Variants in ANGPTL1 observed in about 807,000 individuals in gnomAD.
The protein encoded by ANGPTL1 is angiopoietin-related protein 1.
ANGPTL1 carries 36 observed loss-of-function variants against 46.7 expected under a neutral mutation model. The observed-to-expected ratio is 0.77, with a 90% confidence interval of 0.59 to 1.02. The LOEUF (loss-of-function observed/expected upper bound fraction) is 1.02, where lower values mean the gene tolerates loss of function less well. ANGPTL1 is among the 50% of genes least tolerant of loss of function. The probability of loss-of-function intolerance (pLI) is 0.00; values close to 1 mark genes in which losing one functional copy is unlikely to be tolerated. For synonymous variants in ANGPTL1, 221 were observed against 204.3 expected, an observed-to-expected ratio of 1.08 and a Z score of -0.69; for missense variants, 571 against 594.7, an observed-to-expected ratio of 0.96 and a Z score of 0.41.
chr1:178,856,991 T>G (rs72707218), intron 3 of ANGPTL1, among the ~76,000 whole-genome samples: 1 of 152,190 alleles, frequency 6.6e-6, no homozygotes, highest in Non-Finnish European at 1.5e-5. Context: ...TTGCTACCAC[T>G]ATTCTCCTTT....
Position 178,853,719 on chromosome 1 carries a change from G to T in ANGPTL1, c.892C>A (p.Pro298Thr). The change falls in exon 4 of 6, where the codon CCT (proline) becomes ACT (threonine). Residue 298 changes from proline to threonine, a missense_variant. Transcript: ENST00000234816. ...HSVSGIYMIK[P>T]ENSNGPMQLW... Reference sequence around the variant, plus strand: ...TGCATTGGTCCATTGCTGTTTTCAGGTTTAATCATATAAATCCCACTGACC... The same window carrying T: ...TGCATTGGTCCATTGCTGTTTTCAGTTTTAATCATATAAATCCCACTGACC... 8 of 1,611,136 alleles carry T rather than the reference G, an allele frequency of 5.0e-6. No individual in the cohort carries two copies. Among genetic ancestry groups the T allele is most frequent in the Non-Finnish European group, 6.8e-6 (8 of 1,178,624 alleles).
intron 3 of ANGPTL1, among the ~76,000 whole-genome samples, chr1:178,858,088 T>C (rs73039845): frequency 0.052 from 7,974 of 152,242 alleles, 731 homozygotes; most frequent in African/African-American, 0.18. Context: ...TGAAGTTCTT[T>C]TCCAGAACAT....
intron 3 of ANGPTL1, among the ~76,000 whole-genome samples, chr1:178,854,840 A>G (rs1271401074): frequency 6.6e-6 from 1 of 152,148 alleles, no homozygotes; most frequent in Non-Finnish European, 1.5e-5. Flanking sequence ...ACAAGTGACA[A>G]CACATTTTGT....
At position 178,850,011 on chromosome 1, in the gene ANGPTL1, A is replaced by G. The variant is rs1393886823; in HGVS notation, c.*1118T>C. The G allele has an allele frequency of 1.3e-5, 2 of 152,700 alleles. No individual in the cohort carries two copies. The highest frequency in any genetic ancestry group is 6.5e-5 in the Admixed American group (1 of 15,292). 9.5% of individuals were successfully genotyped at this position (152,700 alleles called of 1,614,324 possible). A position where few individuals can be genotyped will look rare whatever the true frequency, so the allele number is the denominator to read the frequency against. On this transcript the variant is annotated 3_prime_UTR_variant, in exon 6 of 6. Transcript: ENST00000234816. ...CAGAAAGTCACTAGTAAAGTTGTTG[A>G]TTGCAAAGATGAGTTAAAGACACTG...
Position 178,852,858 on chromosome 1 carries a change from T to C in ANGPTL1, c.1113A>G (p.Leu371=). The part of the protein sequence containing the change: ...NQDNYKLLIE[L]EDWSDKKVYA... ...AGACTTTTTTATCACTCCAGTCTTC[T>C]AATTCAATCAATAACTTGTAATTAT... Residue 371 remains leucine, a synonymous_variant, in exon 5 of 6, where the codon TTA becomes TTG. Transcript: ENST00000234816. 1 of 1,613,976 alleles carries C rather than the reference T, an allele frequency of 6.2e-7. No individual in the cohort carries two copies. The highest frequency in any genetic ancestry group is 8.5e-7 in the Non-Finnish European group (1 of 1,179,864).
intron 3 of ANGPTL1, among the ~76,000 whole-genome samples, chr1:178,854,098 A>T (rs1657369945): frequency 6.6e-6 from 1 of 152,152 alleles, no homozygotes; most frequent in Non-Finnish European, 1.5e-5. Context: ...TTCTAGCTGC[A>T]TAATAATCCT....
At chr1:178,856,655 A>G (rs960027728) in intron 3 of ANGPTL1, among the ~76,000 whole-genome samples, 3 of 151,778 alleles carry the variant, frequency 2.0e-5, no homozygotes, top group Non-Finnish European at 4.4e-5. Context: ...TATACCCAAC[A>G]AAGTAGTCAT....
chr1:178,852,590 T>C (rs539906053), intron 5 of ANGPTL1, 93 bp downstream of exon 5: 2 of 1,385,888 alleles, frequency 1.4e-6, no homozygotes, highest in African/African-American at 2.9e-5. Flanking sequence ...ACTGACCTTT[T>C]TGAAAAGACT....
intron 3 of ANGPTL1, among the ~76,000 whole-genome samples, chr1:178,862,803 T>C (rs1467871574): frequency 6.6e-6 from 1 of 152,138 alleles, no homozygotes; most frequent in Non-Finnish European, 1.5e-5. Context: ...AGGAGGACAT[T>C]ATTCTTAGCC....
In ANGPTL1 at chr1:178,849,643, T is replaced by C. The variant is rs1657050821; in HGVS notation, c.*1486A>G. On this transcript the variant is annotated 3_prime_UTR_variant, in exon 6 of 6. Coordinates refer to ENST00000234816, the MANE Select transcript of ANGPTL1 (RefSeq NM_004673.4). ...ACAGATTCTTTGGTTCTGAAGGAAGTGGAGAGGGACTGAAAAACCAGTTTA... is the reference window on the plus strand; with the variant it reads ...ACAGATTCTTTGGTTCTGAAGGAAGCGGAGAGGGACTGAAAAACCAGTTTA... 1.3e-5 allele frequency: 2 copies of C among 152,158 alleles called. No individual in the cohort carries two copies. Among genetic ancestry groups the C allele is most frequent in the South Asian group, 4.1e-4 (2 of 4,830 alleles). 9.4% of individuals were successfully genotyped at this position (152,158 alleles called of 1,614,324 possible). A position where few individuals can be genotyped will look rare whatever the true frequency, so the allele number is the denominator to read the frequency against.
rs1269233304 is a variant in ANGPTL1, at chr1:178,850,478, T to C, written c.*651A>G. 1 of 152,068 alleles carries C rather than the reference T, an allele frequency of 6.6e-6. No individual in the cohort carries two copies. Among genetic ancestry groups the C allele is most frequent in the Non-Finnish European group, 1.5e-5 (1 of 67,990 alleles). The allele number at this position is 152,068 out of a possible 1,614,324, so 9.4% of individuals were successfully genotyped here. ...TAGATTTGTCTTTATAAATTGACCA[T>C]TTAAATTATGCATGCATTATTTTTG... On this transcript the variant is annotated 3_prime_UTR_variant, in exon 6 of 6. Transcript: ENST00000234816.
intron 2 of ANGPTL1, among the ~76,000 whole-genome samples, chr1:178,866,690 TTGTACTC>T (rs1658433494): frequency 6.6e-6 from 1 of 152,138 alleles, no homozygotes; most frequent in African/African-American, 2.4e-5. Context: ...AAGAACCTCT[TTGTACTC>T]TGTGCATGTT....
At chr1:178,870,616 A>C (rs1430443093) in intron 1 of ANGPTL1, 125 bp downstream of exon 1, 2 of 152,208 alleles carry the variant, frequency 1.3e-5, no homozygotes, top group Non-Finnish European at 2.9e-5. Flanking sequence ...TTTTCAGATG[A>C]GATAAACTGT....
intron 2 of ANGPTL1, among the ~76,000 whole-genome samples, chr1:178,866,234 C>T (rs1183488277): frequency 2.6e-5 from 4 of 152,146 alleles, no homozygotes; most frequent in Non-Finnish European, 5.9e-5. Context: ...TCTTGCCTAA[C>T]TAGTATTAAA....
chr1:178,855,651 G>A (rs1657484399), intron 3 of ANGPTL1, among the ~76,000 whole-genome samples: 1 of 151,560 alleles, frequency 6.6e-6, no homozygotes, highest in South Asian at 2.1e-4. Context: ...TTTCTCTTTT[G>A]AGATGCCCTA....
Position 178,852,852 on chromosome 1 carries a change from G to T in ANGPTL1, c.1119C>A (p.Asp373Glu). Reference sequence around the variant, plus strand: ...CTGCATAGACTTTTTTATCACTCCAGTCTTCTAATTCAATCAATAACTTGT... The same window carrying T: ...CTGCATAGACTTTTTTATCACTCCATTCTTCTAATTCAATCAATAACTTGT... ...DNYKLLIELEDWSDKKVYAEY... is the reference protein window; with the variant it reads ...DNYKLLIELEEWSDKKVYAEY... Residue 373 changes from aspartate (D) to glutamate (E), a missense_variant, in exon 5 of 6, where the codon GAC becomes GAA. By Grantham distance (45) the Asp-to-Glu change is conservative (BLOSUM62 2). Coordinates refer to ENST00000234816, the MANE Select transcript of ANGPTL1 (RefSeq NM_004673.4). The T allele has an allele frequency of 6.2e-7, 1 of 1,613,836 alleles. No homozygotes were observed. Among genetic ancestry groups the T allele is most frequent in the Non-Finnish European group, 8.5e-7 (1 of 1,179,836 alleles).
At chr1:178,859,497 G>A (rs1228103867) in intron 3 of ANGPTL1, among the ~76,000 whole-genome samples, 7 of 142,184 alleles carry the variant, frequency 4.9e-5, no homozygotes, top group Non-Finnish European at 1.5e-5. Flanking sequence ...TCCGCCTCCC[G>A]AGTTCAAGCA....
chr1:178,856,234 T>TATATATATACAC (rs1368301659), intron 3 of ANGPTL1, among the ~76,000 whole-genome samples: 5 of 128,770 alleles, frequency 3.9e-5, no homozygotes, highest in African/African-American at 1.3e-4. Context: ...TATATATATA[T>TATATATATACAC]GGTTTTGGGT....
intron 1 of ANGPTL1, 67 bp downstream of exon 1, chr1:178,870,674 C>T (rs1466511382): frequency 6.6e-6 from 1 of 152,080 alleles, no homozygotes; most frequent in African/African-American, 2.4e-5. Context: ...GAAATTTCTA[C>T]TACAAATATA....
Sources: gnomAD v4.1 joint callset for allele counts (sites outside exome capture counted in the v4.1 genomes callset) on GRCh38, gnomAD v4.1.1 for gene constraint, MANE v1.5 for transcripts, NCBI Gene and HGNC (gene_info 2026-07-23, HGNC 2026-07-21) for gene names.